Variants in CNTNAP2 observed in about 807,000 individuals in gnomAD.
The protein encoded by CNTNAP2 is contactin-associated protein-like 2.
CNTNAP2 carries 98 observed loss-of-function variants against 155.2 expected under a neutral mutation model. That is an observed-to-expected ratio of 0.63 (90% CI 0.54 to 0.75). The LOEUF is 0.75. Among genes scored for constraint, CNTNAP2 ranks in the 30% least tolerant of loss-of-function variants. CNTNAP2 has a pLI of 0.00. For missense variants in CNTNAP2, 1,727 were observed against 1,688.1 expected, an observed-to-expected ratio of 1.02 and a Z score of -0.40; for synonymous variants, 651 against 631.2, an observed-to-expected ratio of 1.03 and a Z score of -0.47.
At chr7:147,687,308 A>G (rs1196253918) in intron 13 of CNTNAP2, among the ~76,000 whole-genome samples, 1 of 152,168 alleles carries the variant, frequency 6.6e-6, no homozygotes, top group Admixed American at 6.6e-5. Context: ...TGCCTTGTAT[A>G]CAAGTAAGGA....
At chr7:147,213,478 A>C (rs1803200714) in intron 8 of CNTNAP2, among the ~76,000 whole-genome samples, 1 of 152,092 alleles carries the variant, frequency 6.6e-6, no homozygotes, top group African/African-American at 2.4e-5. Context: ...AAATCATGTT[A>C]GTATTATTGC....
chr7:146,138,611 A>C (rs902185489), intron 1 of CNTNAP2, among the ~76,000 whole-genome samples: 39 of 152,250 alleles, frequency 2.6e-4, no homozygotes, highest in African/African-American at 9.4e-4. Flanking sequence ...TTGACTAATC[A>C]ACATGTTCAG....
chr7:148,302,227 G>A (rs1797403310), intron 21 of CNTNAP2, among the ~76,000 whole-genome samples: 1 of 152,242 alleles, frequency 6.6e-6, no homozygotes, highest in South Asian at 2.1e-4. Context: ...CTAGCAGTAG[G>A]GTATATAATG....
chr7:147,677,208 T>C (rs760225309), intron 13 of CNTNAP2, among the ~76,000 whole-genome samples: 3 of 151,860 alleles, frequency 2.0e-5, no homozygotes, highest in South Asian at 2.1e-4. Flanking sequence ...TTCTGAGAAG[T>C]ATGAGGTCAT....
chr7:148,118,940 TG>T (rs1431780416), intron 16 of CNTNAP2, among the ~76,000 whole-genome samples: 2 of 152,176 alleles, frequency 1.3e-5, no homozygotes, highest in Non-Finnish European at 2.9e-5. Context: ...CGTTCAGGCT[TG>T]GGGAGCTCCG....
Position 147,887,446 on chromosome 7 carries a change from G to A in CNTNAP2, c.2099-16119G>A, listed in dbSNP as rs79908340. 2.9e-3 allele frequency among the ~76,000 whole-genome samples: 438 copies of A among 152,308 alleles called. 18 individuals are homozygous for A. In the East Asian group the frequency reaches 0.065, roughly 23 times the overall value. ...AGATCATGCTATTGCACTCCAGCCT[G>A]AGGGACAAGAGCAAGACTTCGTCTC... On this transcript the variant is annotated intron_variant, in intron 13 of 23. Coordinates refer to ENST00000361727, the MANE Select transcript of CNTNAP2 (RefSeq NM_014141.6).
chr7:147,423,688 G>A (rs1358148662), intron 10 of CNTNAP2, among the ~76,000 whole-genome samples: 2 of 152,004 alleles, frequency 1.3e-5, no homozygotes, highest in African/African-American at 4.8e-5. Flanking sequence ...CTCCTCCATT[G>A]ATACCATCCT....
intron 1 of CNTNAP2, among the ~76,000 whole-genome samples, chr7:146,742,199 T>G (rs1178008487): frequency 6.6e-6 from 1 of 152,224 alleles, no homozygotes; most frequent in African/African-American, 2.4e-5. Context: ...TTTATTTTAT[T>G]TATTTCTTCA....
rs146483296 is a variant in CNTNAP2 at position 147,642,656 on chromosome 7, C to A, written c.2098+3350C>A. 5.7e-3 allele frequency among the ~76,000 whole-genome samples: 865 copies of A among 152,236 alleles called. 8 individuals carry two copies. Among genetic ancestry groups the A allele is most frequent in the African/African-American group, 0.019 (806 of 41,522 alleles). ...CATTTTTCTTTAACCTCTAGATACCCCTTTCACGAGAAAAACTGCTAAATT... is the reference window on the plus strand; with the variant it reads ...CATTTTTCTTTAACCTCTAGATACCACTTTCACGAGAAAAACTGCTAAATT... On this transcript the variant is annotated intron_variant, in intron 13 of 23. Coordinates refer to ENST00000361727, the MANE Select transcript of CNTNAP2 (RefSeq NM_014141.6).
chr7:147,361,189 A>G (rs1796142623), intron 9 of CNTNAP2, among the ~76,000 whole-genome samples: 1 of 152,244 alleles, frequency 6.6e-6, no homozygotes, highest in South Asian at 2.1e-4. Flanking sequence ...TTGGAAAGCA[A>G]TTATGAAAAA....
chr7:147,670,989 C>G (rs982986552), intron 13 of CNTNAP2, among the ~76,000 whole-genome samples: 3 of 152,230 alleles, frequency 2.0e-5, no homozygotes, highest in African/African-American at 7.2e-5. Context: ...TCACGCCAGA[C>G]TCTGCCACGG....
intron 1 of CNTNAP2, among the ~76,000 whole-genome samples, chr7:146,679,891 TA>T (rs1800472340): frequency 1.3e-5 from 2 of 152,332 alleles, no homozygotes; most frequent in South Asian, 4.1e-4. Flanking sequence ...TTCTTTTTTT[TA>T]AGACATTCTA....
At chr7:147,055,988 G>C (rs1178543405) in intron 4 of CNTNAP2, among the ~76,000 whole-genome samples, 1 of 152,092 alleles carries the variant, frequency 6.6e-6, no homozygotes, top group Non-Finnish European at 1.5e-5. Flanking sequence ...AGCTCTTAAT[G>C]TTTTGTTTTC....
intron 1 of CNTNAP2, among the ~76,000 whole-genome samples, chr7:146,292,407 A>G (rs1800443798): frequency 1.3e-5 from 2 of 152,220 alleles, no homozygotes; most frequent in South Asian, 2.1e-4. Flanking sequence ...CTATGTAACA[A>G]AACTGCCCAT....
chr7:148,136,041 G>A (rs1163611791), intron 16 of CNTNAP2, among the ~76,000 whole-genome samples: 3 of 80,820 alleles, frequency 3.7e-5, no homozygotes, highest in African/African-American at 1.7e-4. Context: ...GGGAGGGAGG[G>A]AGGGAGGGGA....
intron 1 of CNTNAP2, among the ~76,000 whole-genome samples, chr7:146,536,743 G>A (rs906165794): frequency 3.3e-5 from 5 of 152,066 alleles, no homozygotes; most frequent in Non-Finnish European, 5.9e-5. Flanking sequence ...GTCACGTTGC[G>A]TGAAGGGTCA....
intron 13 of CNTNAP2, among the ~76,000 whole-genome samples, chr7:147,779,445 G>C (rs938842049): frequency 1.3e-5 from 2 of 152,072 alleles, no homozygotes; most frequent in Non-Finnish European, 1.5e-5. Context: ...GAAACGTAGA[G>C]TAGAAGAAAA....
chr7:146,322,839 C>CAT (rs1425353185), intron 1 of CNTNAP2, among the ~76,000 whole-genome samples: 1 of 151,624 alleles, frequency 6.6e-6, no homozygotes, highest in East Asian at 1.9e-4. Context: ...TCGCATGATA[C>CAT]ATATAATGGG....
At chr7:148,313,814 T>C (rs954341268) in intron 21 of CNTNAP2, among the ~76,000 whole-genome samples, 2 of 152,266 alleles carry the variant, frequency 1.3e-5, no homozygotes, top group South Asian at 2.1e-4. Flanking sequence ...CTTTTGACCT[T>C]TTAGGGTCTA....
Sources: gnomAD v4.1 joint callset for allele counts (sites outside exome capture counted in the v4.1 genomes callset) on GRCh38, gnomAD v4.1.1 for gene constraint, MANE v1.5 for transcripts, NCBI Gene and HGNC (gene_info 2026-07-23, HGNC 2026-07-21) for gene names.